The following ALCAM variants were observed in gnomAD, a reference collection of about 807,000 sequenced individuals.
ALCAM encodes the protein CD166 antigen.
Under a neutral mutation model 70.9 loss-of-function variants are expected in ALCAM, and 30 were observed. That is an observed-to-expected ratio of 0.42 (90% CI 0.32 to 0.57). The LOEUF (loss-of-function observed/expected upper bound fraction) is 0.57. ALCAM is among the 20% of genes least tolerant of loss of function. The pLI, the probability that ALCAM is intolerant of heterozygous loss-of-function variation, is 0.11. For missense variants in ALCAM, 591 were observed against 695.1 expected (o/e 0.85, Z 1.68); for synonymous variants, 249 against 242.5 (o/e 1.03, Z -0.25).
intron 6 of ALCAM, among the ~76,000 whole-genome samples, chr3:105,539,499 G>C (rs978723625): frequency 3.3e-5 from 5 of 151,922 alleles, no homozygotes; most frequent in Non-Finnish European, 7.4e-5. Flanking sequence ...CGAAATCCTC[G>C]CTGGTGTTGT....
At chr3:105,438,213 A>G (rs1216564552) in intron 1 of ALCAM, among the ~76,000 whole-genome samples, 1 of 151,984 alleles carries the variant, frequency 6.6e-6, no homozygotes, top group Non-Finnish European at 1.5e-5. Flanking sequence ...CTATATACTG[A>G]TCTAGTATAT....
intron 1 of ALCAM, among the ~76,000 whole-genome samples, chr3:105,473,629 A>T (rs1353836304): frequency 6.6e-6 from 1 of 151,636 alleles, no homozygotes; most frequent in African/African-American, 2.4e-5. Context: ...CATAAACCTC[A>T]GATTAACACA....
At chr3:105,446,153 A>C (rs940413587) in intron 1 of ALCAM, among the ~76,000 whole-genome samples, 1 of 152,194 alleles carries the variant, frequency 6.6e-6, no homozygotes, top group Non-Finnish European at 1.5e-5. Flanking sequence ...TCCAATTTAA[A>C]AATATGCAAA....
intron 1 of ALCAM, among the ~76,000 whole-genome samples, chr3:105,447,471 A>G (rs1937327276): frequency 6.6e-6 from 1 of 152,184 alleles, no homozygotes; most frequent in South Asian, 2.1e-4. Context: ...GGCCAAGGCA[A>G]GTGGATGGCT....
At chr3:105,451,030 A>G (rs1047549607) in intron 1 of ALCAM, among the ~76,000 whole-genome samples, 1 of 152,154 alleles carries the variant, frequency 6.6e-6, no homozygotes, top group African/African-American at 2.4e-5. Context: ...TAAAACAGGA[A>G]AGGCAGAATG....
chr3:105,381,358 C>A (rs1935514369), intron 1 of ALCAM, among the ~76,000 whole-genome samples: 1 of 151,942 alleles, frequency 6.6e-6, no homozygotes, highest in African/African-American at 2.4e-5. Flanking sequence ...CCTCTCCACT[C>A]TACCTTTCTT....
intron 1 of ALCAM, among the ~76,000 whole-genome samples, chr3:105,407,169 A>G (rs1258736166): frequency 6.6e-6 from 1 of 152,186 alleles, no homozygotes; most frequent in Non-Finnish European, 1.5e-5. Context: ...ATTCCAAAAG[A>G]TAGAGAAAGA....
chr3:105,449,427 A>G (rs1321074107), intron 1 of ALCAM, among the ~76,000 whole-genome samples: 1 of 152,240 alleles, frequency 6.6e-6, no homozygotes, highest in African/African-American at 2.4e-5. Context: ...GATATTTCCA[A>G]CTAGGCAAAA....
At chr3:105,390,031 G>GTGC in intron 1 of ALCAM, among the ~76,000 whole-genome samples, 1 of 151,974 alleles carries the variant, frequency 6.6e-6, no homozygotes, top group East Asian at 1.9e-4. Flanking sequence ...ACTGTGAATA[G>GTGC]TGCTGCAATG....
chr3:105,430,414 T>A (rs1333405435), intron 1 of ALCAM, among the ~76,000 whole-genome samples: 1 of 152,032 alleles, frequency 6.6e-6, no homozygotes, highest in Non-Finnish European at 1.5e-5. Flanking sequence ...ATTTTGACAG[T>A]TTTGAGGGGT....
chr3:105,372,621 G>T (rs573787819), intron 1 of ALCAM, among the ~76,000 whole-genome samples: 1 of 152,204 alleles, frequency 6.6e-6, no homozygotes, highest in South Asian at 2.1e-4. Context: ...TTGACTTTGA[G>T]TTGAGGTACT....
chr3:105,424,245 C>T (rs1200558751), intron 1 of ALCAM, among the ~76,000 whole-genome samples: 1 of 151,516 alleles, frequency 6.6e-6, no homozygotes, highest in African/African-American at 2.4e-5. Context: ...ATCCTAGATA[C>T]TATTAATTAC....
At chr3:105,396,918 A>G (rs1039003824) in intron 1 of ALCAM, among the ~76,000 whole-genome samples, 2 of 152,086 alleles carry the variant, frequency 1.3e-5, no homozygotes, top group African/African-American at 2.4e-5. Context: ...AGTGTTAACT[A>G]TCTGTGGACT....
chr3:105,367,592 G>A (rs891591096), intron 1 of ALCAM, 111 bp downstream of exon 1: 46 of 1,287,184 alleles, frequency 3.6e-5, no homozygotes, highest in Middle Eastern at 2.0e-4. Context: ...GCGTGGTGGA[G>A]GTAAGGGGAC....
At chr3:105,522,722 C>T (rs1320550450) in intron 2 of ALCAM, among the ~76,000 whole-genome samples, 1 of 152,196 alleles carries the variant, frequency 6.6e-6, no homozygotes, top group Non-Finnish European at 1.5e-5. Context: ...TAAGATTTCC[C>T]AGCCAAGACC....
At position 105,542,114 on chromosome 3, in the gene ALCAM, T is replaced by C. The variant is rs116572076; in HGVS notation, c.991+349T>C. Among the ~76,000 whole-genome samples, 510 of 151,960 alleles carry C rather than the reference T, an allele frequency of 3.4e-3. 4 individuals carry two copies. Among genetic ancestry groups the C allele is most frequent in the African/African-American group, 0.012 (478 of 41,496 alleles). ...TTCCATGTTCTTGAAGTGCACCAGC[T>C]TTGCAGTTGACCCAGCATTATCATT... On this transcript the variant is annotated intron_variant, in intron 8 of 15. Coordinates refer to ENST00000306107, the MANE Select transcript of ALCAM (RefSeq NM_001627.4).
intron 15 of ALCAM, 140 bp downstream of exon 15, chr3:105,572,104 A>G: frequency 1.8e-6 from 1 of 558,170 alleles, no homozygotes; most frequent in Non-Finnish European, 3.2e-6. Flanking sequence ...TCTTTTTATT[A>G]TGCTTTAAGT....
intron 1 of ALCAM, among the ~76,000 whole-genome samples, chr3:105,490,633 A>C (rs1056711232): frequency 2.0e-5 from 3 of 152,310 alleles, no homozygotes; most frequent in South Asian, 2.1e-4. Flanking sequence ...ATGGTTTCTG[A>C]ACATTCTCTT....
intron 7 of ALCAM, among the ~76,000 whole-genome samples, chr3:105,540,401 A>G (rs1350531116): frequency 6.6e-6 from 1 of 152,052 alleles, no homozygotes; most frequent in Non-Finnish European, 1.5e-5. Context: ...GCAGATAACT[A>G]CAAAATGAAA....
Sources: gnomAD v4.1 joint callset for allele counts (sites outside exome capture counted in the v4.1 genomes callset) on GRCh38, gnomAD v4.1.1 for gene constraint, MANE v1.5 for transcripts, NCBI Gene and HGNC (gene_info 2026-07-23, HGNC 2026-07-21) for gene names.